LNPK: variants seen among roughly 807,000 people sequenced by gnomAD.
LNPK encodes the protein endoplasmic reticulum junction formation protein lunapark.
Under a neutral mutation model 55.2 loss-of-function variants are expected in LNPK, and 29 were observed. That is an observed-to-expected ratio of 0.53 (90% confidence interval 0.39 to 0.72). LNPK has a LOEUF of 0.72. Ranked by LOEUF, LNPK falls within the 30% of genes least tolerant of loss-of-function variation. The pLI is 0.00. For synonymous variants in LNPK, 162 were observed against 168.2 expected (o/e 0.96, Z 0.29); for missense variants, 467 against 494.8 (o/e 0.94, Z 0.53).
intron 12 of LNPK, among the ~76,000 whole-genome samples, chr2:175,934,412 G>C (rs939045820): frequency 6.6e-6 from 1 of 152,084 alleles, no homozygotes; most frequent in African/African-American, 2.4e-5. Flanking sequence ...ATTTTTGATA[G>C]TATTGATTAG....
At chr2:175,988,874 C>T (rs977594048) in intron 4 of LNPK, among the ~76,000 whole-genome samples, 22 of 152,072 alleles carry the variant, frequency 1.4e-4, no homozygotes, top group Non-Finnish European at 1.5e-4. Flanking sequence ...CCCGGGTTCA[C>T]GCCATTCTCC....
chr2:175,939,695 T>G, intron 9 of LNPK, 38 bp from the exon 10 acceptor site: 1 of 994,994 alleles, frequency 1.0e-6, no homozygotes, highest in Non-Finnish European at 1.5e-6. Flanking sequence ...TTTATATACA[T>G]GAAATACACA....
intron 8 of LNPK, among the ~76,000 whole-genome samples, chr2:175,950,618 C>A (rs1685349809): frequency 1.3e-5 from 2 of 152,054 alleles, no homozygotes; most frequent in Non-Finnish European, 2.9e-5. Context: ...AACAGCATAG[C>A]TGTGCAAAGC....
intron 6 of LNPK, among the ~76,000 whole-genome samples, chr2:175,965,234 A>G: frequency 6.6e-6 from 1 of 152,202 alleles, no homozygotes; most frequent in East Asian, 1.9e-4. Flanking sequence ...ACTGAGTTCT[A>G]TGTTCACACT....
intron 2 of LNPK, chr2:175,994,412 T>A: frequency 3.2e-6 from 2 of 627,814 alleles, no homozygotes; most frequent in Non-Finnish European, 4.0e-6. Context: ...CTAAATTGTG[T>A]ACCAAGTATA....
intron 8 of LNPK, among the ~76,000 whole-genome samples, chr2:175,961,006 C>T (rs1209991363): frequency 1.3e-5 from 2 of 152,120 alleles, no homozygotes; most frequent in African/African-American, 4.8e-5. Flanking sequence ...CAAGACTAAA[C>T]CAGGAAGAAA....
intron 8 of LNPK, among the ~76,000 whole-genome samples, chr2:175,962,520 C>T (rs375392424): frequency 1.2e-4 from 19 of 152,178 alleles, no homozygotes; most frequent in East Asian, 7.7e-4. Context: ...GCTGAAACTG[C>T]ATCCCTTCCT....
In LNPK at chr2:175,962,621, T is replaced by C. The variant is rs539079612; in HGVS notation, c.493+1751A>G. On this transcript the variant is annotated intron_variant, in intron 8 of 12. Coordinates refer to ENST00000272748, the MANE Select transcript of LNPK (RefSeq NM_030650.3). ...AAAACCTAGAAGAAAACCTAGGCAATACCATTCAGGACACAGGCATGGGCA... is the reference window on the plus strand; with the variant it reads ...AAAACCTAGAAGAAAACCTAGGCAACACCATTCAGGACACAGGCATGGGCA... Among the ~76,000 whole-genome samples the C allele has an allele frequency of 9.2e-5, 14 of 152,234 alleles. No homozygotes were observed. In the East Asian group the frequency reaches 2.7e-3, roughly 29 times the overall value.
chr2:175,972,261 A>G (rs112385248), intron 5 of LNPK, among the ~76,000 whole-genome samples: 7 of 152,302 alleles, frequency 4.6e-5, no homozygotes, highest in African/African-American at 1.7e-4. Context: ...TTTATAGACT[A>G]AATTCAAATA....
At chr2:175,944,849 G>A (rs561458056) in intron 9 of LNPK, among the ~76,000 whole-genome samples, 1 of 152,088 alleles carries the variant, frequency 6.6e-6, no homozygotes, top group Non-Finnish European at 1.5e-5. Flanking sequence ...ATCTATAAAA[G>A]GGCAACTGAT....
intron 9 of LNPK, 102 bp from the exon 10 acceptor site, chr2:175,939,759 G>C: frequency 1.9e-6 from 1 of 517,612 alleles, no homozygotes; most frequent in Non-Finnish European, 3.3e-6. Context: ...AATTTTAAAA[G>C]GTTTTAACAA....
At chr2:175,988,044 A>G (rs953374025) in intron 4 of LNPK, among the ~76,000 whole-genome samples, 1 of 152,230 alleles carries the variant, frequency 6.6e-6, no homozygotes, top group South Asian at 2.1e-4. Flanking sequence ...AAGAATTAAC[A>G]TTCTATAAAC....
In LNPK at chr2:175,927,780, A is replaced by G. The variant is rs1684076153; in HGVS notation, c.*2187T>C. The stretch of plus-strand genomic sequence containing the variant: ...ACTAAGTTTCAACCATTAACTGTTT[A>G]TTATAATAATAATGAAAATAAGCTT... On this transcript the variant is annotated 3_prime_UTR_variant, in exon 13 of 13. Transcript: ENST00000272748. 6.6e-6 allele frequency: 1 copy of G among 151,084 alleles called. No individual in the cohort carries two copies. The allele number at this position is 151,084 out of a possible 1,614,324, so 9.4% of individuals were successfully genotyped here. A position where few individuals can be genotyped will look rare whatever the true frequency, so the allele number is the denominator to read the frequency against.
intron 8 of LNPK, among the ~76,000 whole-genome samples, chr2:175,948,963 T>C (rs1489183729): frequency 6.6e-6 from 1 of 152,180 alleles, no homozygotes; most frequent in East Asian, 1.9e-4. Flanking sequence ...AAAATTAGGA[T>C]AATATTAACT....
At position 176,002,184 on chromosome 2, in the gene LNPK, C is replaced by G. The variant is rs1040085676; in HGVS notation, c.-87G>C. ...CCTGCAAGAAGCGGGCGCAGCCCGG[C>G]CCGGGCGTCCACCCCCGCCAGTCTC... On this transcript the variant is annotated 5_prime_UTR_variant, in exon 1 of 13. Coordinates refer to ENST00000272748, the MANE Select transcript of LNPK (RefSeq NM_030650.3). The G allele has an allele frequency of 6.7e-6, 3 of 446,500 alleles. No homozygotes were observed. Among genetic ancestry groups the G allele is most frequent in the South Asian group, 1.6e-5 (1 of 63,400 alleles). 27.7% of individuals were successfully genotyped at this position (446,500 alleles called of 1,614,324 possible).
intron 6 of LNPK, among the ~76,000 whole-genome samples, chr2:175,969,362 T>C (rs1259484784): frequency 6.6e-6 from 1 of 152,212 alleles, no homozygotes; most frequent in African/African-American, 2.4e-5. Context: ...TAAAAAGTAG[T>C]AAATAGCTTG....
Position 175,935,778 on chromosome 2 carries a change from G to A in LNPK, c.1054+1566C>T, listed in dbSNP as rs542087150. Reference sequence around the variant, plus strand: ...TTCAGACAGAAAATGAGACGTCTGGGGTATTGCTCCTCCTAGATTAGATGA... The same window carrying A: ...TTCAGACAGAAAATGAGACGTCTGGAGTATTGCTCCTCCTAGATTAGATGA... On this transcript the variant is annotated intron_variant, in intron 12 of 12. Transcript: ENST00000272748. 29 of 966,204 alleles carry A rather than the reference G, an allele frequency of 3.0e-5. No individual in the cohort carries two copies. In the African/African-American group the frequency reaches 4.9e-4, roughly 16 times the overall value. The allele number at this position is 966,204 out of a possible 1,614,324, so 59.9% of individuals were successfully genotyped here. A position where few individuals can be genotyped will look rare whatever the true frequency, so the allele number is the denominator to read the frequency against.
intron 12 of LNPK, among the ~76,000 whole-genome samples, chr2:175,935,254 A>G (rs72912921): frequency 0.046 from 6,942 of 152,292 alleles, 211 homozygotes; most frequent in Middle Eastern, 0.12. Context: ...TTTTAATAAT[A>G]TAAGAATTAA....
At chr2:175,971,302 A>G (rs915719196) in intron 5 of LNPK, among the ~76,000 whole-genome samples, 14 of 152,262 alleles carry the variant, frequency 9.2e-5, no homozygotes, top group Non-Finnish European at 1.0e-4. Context: ...GAGAAGGGAC[A>G]TGGAAAAAAA....
Sources: allele counts gnomAD v4.1 joint callset (sites outside exome capture counted in the v4.1 genomes callset), GRCh38; gene constraint gnomAD v4.1.1; transcripts MANE v1.5; gene names NCBI Gene and HGNC (gene_info 2026-07-23, HGNC 2026-07-21).